Variants in UBE2E1 observed in about 807,000 individuals in gnomAD.
UBE2E1 encodes ubiquitin conjugating enzyme E2 E1.
In UBE2E1, 6 loss-of-function variants were observed where a neutral mutation model predicts 21.4. That is an observed-to-expected ratio of 0.28 (90% confidence interval 0.15 to 0.55). The LOEUF (loss-of-function observed/expected upper bound fraction) is 0.55. Ranked by LOEUF, UBE2E1 falls within the 20% of genes least tolerant of loss-of-function variation. UBE2E1 has a pLI of 0.93. For synonymous variants in UBE2E1, 87 were observed against 82.7 expected (o/e 1.05, Z -0.28); for missense variants, 142 against 236.5 (o/e 0.60, Z 2.62).
At chr3:23,820,957 A>G (rs900050946) in intron 3 of UBE2E1, among the ~76,000 whole-genome samples, 5 of 152,238 alleles carry the variant, frequency 3.3e-5, no homozygotes, top group African/African-American at 1.2e-4. Flanking sequence ...GGATGATCTT[A>G]CTTGGAGAAA....
intron 3 of UBE2E1, among the ~76,000 whole-genome samples, chr3:23,839,056 C>CA (rs1700030327): frequency 6.6e-6 from 1 of 152,126 alleles, no homozygotes; most frequent in Non-Finnish European, 1.5e-5. Context: ...GACCCCTCAA[C>CA]AATCCCTCTC....
At chr3:23,875,371 C>G (rs1700893025) in intron 3 of UBE2E1, among the ~76,000 whole-genome samples, 1 of 152,136 alleles carries the variant, frequency 6.6e-6, no homozygotes, top group Admixed American at 6.5e-5. Context: ...TTACTACCCC[C>G]TAGAGACTTA....
chr3:23,874,770 T>C (rs749433274), intron 3 of UBE2E1, among the ~76,000 whole-genome samples: 4 of 152,182 alleles, frequency 2.6e-5, no homozygotes, highest in African/African-American at 7.2e-5. Flanking sequence ...TTTAATCTTA[T>C]AGAGGAAAAT....
chr3:23,852,391 T>C (rs1700345403), intron 3 of UBE2E1, among the ~76,000 whole-genome samples: 1 of 152,256 alleles, frequency 6.6e-6, no homozygotes, highest in Non-Finnish European at 1.5e-5. Context: ...ATTTGAATTT[T>C]TAAAAATTAC....
chr3:23,876,361 C>T lies in UBE2E1; in HGVS notation c.204-11206C>T, dbSNP rs544392781. Among the ~76,000 whole-genome samples the T allele has an allele frequency of 2.0e-5, 3 of 152,292 alleles. No homozygotes were observed. Among genetic ancestry groups the T allele is most frequent in the South Asian group, 2.1e-4 (1 of 4,830 alleles). On this transcript the variant is annotated intron_variant, in intron 3 of 5. Transcript: ENST00000306627. The surrounding 1 kb of genome is among the most constrained non-coding windows in gnomAD (Gnocchi z 4.3). ...CTCATTTTTCAAGTTCCTTCTGCCA[C>T]TCGCTTCTAGGTTACAAAAGGTTAC...
chr3:23,848,916 A>G (rs542683791), intron 3 of UBE2E1, among the ~76,000 whole-genome samples: 270 of 152,312 alleles, frequency 1.8e-3, no homozygotes, highest in Non-Finnish European at 3.4e-3. Context: ...CACTTAGTAC[A>G]GTGTTCTCAA....
At chr3:23,856,062 C>T (rs971069930) in intron 3 of UBE2E1, among the ~76,000 whole-genome samples, 1 of 152,018 alleles carries the variant, frequency 6.6e-6, no homozygotes, top group East Asian at 1.9e-4. Context: ...GACAGAGTCT[C>T]GCTCTGTAGC....
intron 3 of UBE2E1, among the ~76,000 whole-genome samples, chr3:23,833,192 C>T (rs913304366): frequency 3.9e-5 from 6 of 152,100 alleles, no homozygotes; most frequent in African/African-American, 7.2e-5. Flanking sequence ...TTTTCCATAA[C>T]GTACCTCTCA....
At chr3:23,811,321 T>G in intron 2 of UBE2E1, 139 bp from the exon 3 acceptor site, 1 of 760,704 alleles carries the variant, frequency 1.3e-6, no homozygotes, top group South Asian at 1.6e-5. Flanking sequence ...GACCTGAAGT[T>G]CTTGATGTGT....
intron 3 of UBE2E1, among the ~76,000 whole-genome samples, chr3:23,849,929 C>T (rs1700285583): frequency 6.6e-6 from 1 of 152,024 alleles, no homozygotes; most frequent in African/African-American, 2.4e-5. Context: ...GAGGAATTGC[C>T]ACACTGTCTC....
At chr3:23,807,160 C>G (rs1001134818) in intron 1 of UBE2E1, 77 bp from the exon 2 acceptor site, 178 of 1,317,844 alleles carry the variant, frequency 1.4e-4, no homozygotes, top group Middle Eastern at 2.6e-4. Flanking sequence ...TCAATGCCCT[C>G]CTGACAGCAC....
In UBE2E1 at chr3:23,808,668, C is replaced by G. The variant is rs1196606174; in HGVS notation, c.152+1247C>G. ...GGAGGTCTTAAGTGGCAAGGTGCCT[C>G]TGCAAGATTGTTCTCATTTTTATAG... On this transcript the variant is annotated intron_variant, in intron 2 of 5. Transcript: ENST00000306627. The surrounding 1 kb of genome is among the most constrained non-coding windows in gnomAD (Gnocchi z 4.9). The G allele has an allele frequency of 6.6e-6, 1 of 152,188 alleles. No individual in the cohort carries two copies. Among genetic ancestry groups the G allele is most frequent in the Non-Finnish European group, 1.5e-5 (1 of 68,064 alleles). The allele number at this position is 152,188 out of a possible 1,614,324, so 9.4% of individuals were successfully genotyped here. A position where few individuals can be genotyped will look rare whatever the true frequency, so the allele number is the denominator to read the frequency against.
chr3:23,856,163 A>T (rs970874823), intron 3 of UBE2E1, among the ~76,000 whole-genome samples: 2 of 152,032 alleles, frequency 1.3e-5, no homozygotes, highest in African/African-American at 2.4e-5. Context: ...AGTAACTGGG[A>T]TTACAGGCAG....
chr3:23,829,871 C>T (rs923361543), intron 3 of UBE2E1, among the ~76,000 whole-genome samples: 1 of 152,134 alleles, frequency 6.6e-6, no homozygotes, highest in Admixed American at 6.5e-5. Flanking sequence ...GATTGATTGG[C>T]TCTGTTGGCC....
chr3:23,837,317 C>T (rs1426739872), intron 3 of UBE2E1, among the ~76,000 whole-genome samples: 1 of 152,162 alleles, frequency 6.6e-6, no homozygotes, highest in Non-Finnish European at 1.5e-5. Flanking sequence ...AATTAAAATA[C>T]AGGAGTCTGA....
Position 23,853,555 on chromosome 3 carries a change from T to C in UBE2E1, c.204-34012T>C, listed in dbSNP as rs972342680. 1.3e-5 allele frequency among the ~76,000 whole-genome samples: 2 copies of C among 152,174 alleles called. No individual in the cohort carries two copies. Among genetic ancestry groups the C allele is most frequent in the Non-Finnish European group, 2.9e-5 (2 of 68,026 alleles). ...TTTCTTCTGTTGTTTTTTTTTAATA[T>C]AAGTTTTATGGTTTTAGCTGTTAAA... On this transcript the variant is annotated intron_variant, in intron 3 of 5. Coordinates refer to ENST00000306627, the MANE Select transcript of UBE2E1 (RefSeq NM_003341.5). This position sits in a 1 kb window ranked among gnomAD's most constrained non-coding sequence, Gnocchi z 4.1.
chr3:23,815,360 A>T (rs1575801947), intron 3 of UBE2E1, among the ~76,000 whole-genome samples: 1 of 152,092 alleles, frequency 6.6e-6, no homozygotes. Flanking sequence ...AACACTGCCT[A>T]TATTTTAAAT....
At position 23,887,607 on chromosome 3, in the gene UBE2E1, A is replaced by T. The variant is rs1701217926; in HGVS notation, c.244A>T (p.Thr82Ser). 6.2e-7 allele frequency: 1 copy of T among 1,613,634 alleles called. No individual in the cohort carries two copies. The highest frequency in any genetic ancestry group is 8.5e-7 in the Non-Finnish European group (1 of 1,179,902). The change falls in exon 4 of 6, where the codon ACC (threonine) becomes TCC (serine). Residue 82 changes from threonine to serine, a missense_variant. Coordinates refer to ENST00000306627, the MANE Select transcript of UBE2E1 (RefSeq NM_003341.5). This position sits in a 1 kb window ranked among gnomAD's most constrained non-coding sequence, Gnocchi z 4.4. The part of the protein sequence containing the change: ...KGDNIYEWRS[T>S]ILGPPGSVYE... ...CGATAACATCTATGAATGGAGATCA[A>T]CCATTCTAGGGCCTCCAGGATCCGT...
In UBE2E1 at chr3:23,887,239, T is replaced by C. The variant is rs747346368; in HGVS notation, c.204-328T>C. ...TGCTCGCATTTGTCACTAATTTCGCTTCTAGGTGCTGAGATGTGTTTCCCA... is the reference window on the plus strand; with the variant it reads ...TGCTCGCATTTGTCACTAATTTCGCCTCTAGGTGCTGAGATGTGTTTCCCA... On this transcript the variant is annotated intron_variant, in intron 3 of 5. Transcript: ENST00000306627. This position sits in a 1 kb window ranked among gnomAD's most constrained non-coding sequence, Gnocchi z 4.4. Among the ~76,000 whole-genome samples, 28 of 152,206 alleles carry C rather than the reference T, an allele frequency of 1.8e-4. No homozygotes were observed. The highest frequency in any genetic ancestry group is 2.9e-4 in the Non-Finnish European group (20 of 68,034).
Sources: gnomAD v4.1 joint callset for allele counts (sites outside exome capture counted in the v4.1 genomes callset) on GRCh38, gnomAD v4.1.1 for gene constraint, Gnocchi (gnomAD v3.1) non-coding constraint, MANE v1.5 for transcripts, NCBI Gene and HGNC (gene_info 2026-07-23, HGNC 2026-07-21) for gene names.